The following STRBP variants were observed in gnomAD, a reference collection of about 807,000 sequenced individuals.
The protein encoded by STRBP is spermatid perinuclear RNA-binding protein.
STRBP carries 13 observed loss-of-function variants against 80.1 expected under a neutral mutation model. That is an observed-to-expected ratio of 0.16 (90% CI 0.11 to 0.26). STRBP has a LOEUF of 0.26. Ranked by LOEUF, STRBP falls within the 10% of genes least tolerant of loss-of-function variation. The pLI, the probability that STRBP is intolerant of heterozygous loss-of-function variation, is 1.00. For synonymous variants in STRBP, 284 were observed against 291.2 expected (o/e 0.98, Z 0.25); for missense variants, 485 against 815.2 (o/e 0.59, Z 4.93).
chr9:123,266,880 C>A (rs1449646713), intron 1 of STRBP, among the ~76,000 whole-genome samples: 1 of 151,990 alleles, frequency 6.6e-6, no homozygotes, highest in East Asian at 1.9e-4. Context: ...TACCTCCCTT[C>A]TCCCTACAGC....
At chr9:123,177,649 C>T (rs41344246) in intron 4 of STRBP, among the ~76,000 whole-genome samples, 3 of 152,128 alleles carry the variant, frequency 2.0e-5, no homozygotes, top group African/African-American at 7.2e-5. Flanking sequence ...AATCACAGAC[C>T]TCATCCAGTT....
At chr9:123,195,114 C>G (rs2132493980) in intron 2 of STRBP, among the ~76,000 whole-genome samples, 1 of 152,140 alleles carries the variant, frequency 6.6e-6, no homozygotes, top group East Asian at 1.9e-4. Flanking sequence ...CCTAATGCAT[C>G]AAAAACAAAA....
chr9:123,247,969 GT>G (rs1309468787), intron 1 of STRBP, among the ~76,000 whole-genome samples: 2 of 152,076 alleles, frequency 1.3e-5, no homozygotes, highest in East Asian at 3.8e-4. Flanking sequence ...CACTTTGTAA[GT>G]TTTTTTAAAT....
intron 1 of STRBP, among the ~76,000 whole-genome samples, chr9:123,256,548 T>C (rs775511606): frequency 7.2e-5 from 11 of 152,114 alleles, no homozygotes; most frequent in Non-Finnish European, 1.3e-4. Flanking sequence ...ACCAAAACGC[T>C]TGTAATATTA....
chr9:123,183,039 C>CA (rs1282781415), intron 3 of STRBP, among the ~76,000 whole-genome samples: 1 of 139,392 alleles, frequency 7.2e-6, no homozygotes, highest in Non-Finnish European at 1.5e-5. Flanking sequence ...AAAAAAAAAA[C>CA]AAAAAATCAA....
At chr9:123,218,747 T>C (rs553180392) in intron 2 of STRBP, among the ~76,000 whole-genome samples, 5 of 152,330 alleles carry the variant, frequency 3.3e-5, no homozygotes, top group African/African-American at 1.2e-4. Context: ...AATTATCCCA[T>C]ATATATTCTA....
intron 13 of STRBP, among the ~76,000 whole-genome samples, chr9:123,141,253 C>A (rs1340316403): frequency 6.6e-6 from 1 of 152,092 alleles, no homozygotes; most frequent in Non-Finnish European, 1.5e-5. Context: ...AAGTCTGTAC[C>A]AAGAGAACTC....
chr9:123,204,190 A>G (rs2039430782), intron 2 of STRBP, among the ~76,000 whole-genome samples: 1 of 152,270 alleles, frequency 6.6e-6, no homozygotes, highest in Non-Finnish European at 1.5e-5. Flanking sequence ...ATCACATTCA[A>G]TGCTCACATG....
chr9:123,241,916 CCT>C (rs1294872224), intron 1 of STRBP, among the ~76,000 whole-genome samples: 2 of 152,176 alleles, frequency 1.3e-5, no homozygotes, highest in Non-Finnish European at 2.9e-5. Flanking sequence ...TGATCTGGCC[CCT>C]GCCTACCTCA....
intron 8 of STRBP, among the ~76,000 whole-genome samples, 160 bp from the exon 9 acceptor site, chr9:123,159,367 A>G (rs1017342626): frequency 1.3e-5 from 2 of 152,144 alleles, no homozygotes; most frequent in African/African-American, 4.8e-5. Context: ...ATCAACCTTT[A>G]CCCTGGGAAG....
chr9:123,163,133 A>G (rs78736459), intron 6 of STRBP, among the ~76,000 whole-genome samples: 5,918 of 152,310 alleles, frequency 0.039, 150 homozygotes, highest in South Asian at 0.079. Context: ...CCAAGTAGGA[A>G]TGTCAGGAAG....
chr9:123,243,065 T>C (rs2040727679), intron 1 of STRBP, among the ~76,000 whole-genome samples: 1 of 151,990 alleles, frequency 6.6e-6, no homozygotes. Context: ...TTTAAAGACT[T>C]ATTATATAGC....
At chr9:123,265,540 C>T (rs547571461) in intron 1 of STRBP, among the ~76,000 whole-genome samples, 4 of 152,252 alleles carry the variant, frequency 2.6e-5, no homozygotes, top group Middle Eastern at 3.4e-3. Context: ...AAAGGGAAAT[C>T]GTTTTCCAAG....
At chr9:123,144,250 A>C (rs981501339) in intron 13 of STRBP, among the ~76,000 whole-genome samples, 3 of 151,970 alleles carry the variant, frequency 2.0e-5, no homozygotes, top group Non-Finnish European at 4.4e-5. Context: ...TTTAAAAAAC[A>C]TATTTTTACA....
chr9:123,249,817 A>C (rs1206899031), intron 1 of STRBP, among the ~76,000 whole-genome samples: 4 of 152,124 alleles, frequency 2.6e-5, no homozygotes, highest in Admixed American at 2.6e-4. Flanking sequence ...GGCCAAAACT[A>C]TTTTCCAAGT....
At chr9:123,214,145 T>TACACACACACAC (rs138090782) in intron 2 of STRBP, among the ~76,000 whole-genome samples, 9 of 141,352 alleles carry the variant, frequency 6.4e-5, no homozygotes, top group South Asian at 2.3e-4. Flanking sequence ...TATATATGTA[T>TACACACACACAC]ACACACACAC....
At chr9:123,199,748 T>C (rs1220928654) in intron 2 of STRBP, among the ~76,000 whole-genome samples, 1 of 152,244 alleles carries the variant, frequency 6.6e-6, no homozygotes, top group Non-Finnish European at 1.5e-5. Flanking sequence ...GAGAGTTTAC[T>C]GAATTTGTTT....
At chr9:123,177,213 G>A (rs2038257613) in intron 4 of STRBP, among the ~76,000 whole-genome samples, 1 of 152,126 alleles carries the variant, frequency 6.6e-6, no homozygotes, top group South Asian at 2.1e-4. Context: ...GCTCACCCAG[G>A]GACTGTTCCA....
downstream of STRBP, among the ~76,000 whole-genome samples, chr9:123,120,869 G>A (rs760281312): frequency 1.1e-4 from 17 of 152,148 alleles, no homozygotes; most frequent in South Asian, 2.1e-4. Flanking sequence ...GCCTATTTTG[G>A]TGATGTCAGA....
Sources: allele counts gnomAD v4.1 joint callset (sites outside exome capture counted in the v4.1 genomes callset), GRCh38; gene constraint gnomAD v4.1.1; transcripts MANE v1.5; gene names NCBI Gene and HGNC (gene_info 2026-07-23, HGNC 2026-07-21).